Variants in SH3YL1 observed in about 807,000 individuals in gnomAD.
SH3YL1 encodes SH3 and SYLF domain containing 1, also known as SH3 domain-containing YSC84-like protein 1.
In SH3YL1, 41 loss-of-function variants were observed where a neutral mutation model predicts 45.8. The ratio of observed to expected loss-of-function variants is 0.89; its 90% CI spans 0.70 to 1.16. SH3YL1 has a LOEUF of 1.16. Among genes scored for constraint, SH3YL1 ranks in the 50% most tolerant of loss-of-function variants. The probability of loss-of-function intolerance (pLI) is 0.00; values close to 1 mark genes in which losing one functional copy is unlikely to be tolerated. For synonymous variants in SH3YL1, 152 were observed against 151.4 expected (o/e 1.00, Z -0.03); for missense variants, 389 against 409.6 (o/e 0.95, Z 0.43).
upstream of SH3YL1, chr2:264,188 G>A (rs1669739242): frequency 1.4e-5 from 9 of 655,028 alleles, no homozygotes; most frequent in Non-Finnish European, 2.1e-5. Flanking sequence ...CGCCCTCAGG[G>A]ACTTCGGAAC....
chr2:238,259 T>G (rs913466469), intron 4 of SH3YL1, among the ~76,000 whole-genome samples: 5 of 141,860 alleles, frequency 3.5e-5, no homozygotes, highest in African/African-American at 8.0e-5. Context: ...TCCTCCCTCC[T>G]TGTGTGTGTG....
chr2:227,554 A>T (rs1252705347), intron 8 of SH3YL1, among the ~76,000 whole-genome samples: 1 of 152,194 alleles, frequency 6.6e-6, no homozygotes, highest in Non-Finnish European at 1.5e-5. Context: ...GAGCAAAACA[A>T]ACCAACAAAT....
At chr2:238,244 C>T (rs988998524) in intron 4 of SH3YL1, among the ~76,000 whole-genome samples, 2 of 149,080 alleles carry the variant, frequency 1.3e-5, no homozygotes, top group East Asian at 2.0e-4. Flanking sequence ...GGGGAATAAA[C>T]CTTTTCCTCC....
intron 4 of SH3YL1, chr2:240,709 C>G: frequency 6.6e-6 from 1 of 152,220 alleles, no homozygotes; most frequent in East Asian, 1.9e-4. Context: ...TTAGTGGAGG[C>G]TAACAACAGT....
At chr2:229,657 A>C (rs887912659) in intron 8 of SH3YL1, among the ~76,000 whole-genome samples, 4 of 136,228 alleles carry the variant, frequency 2.9e-5, no homozygotes, top group Non-Finnish European at 6.1e-5. Flanking sequence ...TGAACCCGGG[A>C]GGCGGAGCTT....
In SH3YL1 at chr2:264,014, C is replaced by G. The variant is rs139233215; in HGVS notation, c.-30G>C. ...CCCGCCCGGCCGCGGCGCCCCGTCC[C>G]GAGGCTGCCCAGGAAGAGGAAGGCG... is the stretch of plus-strand genomic sequence containing the variant. On this transcript the variant is annotated 5_prime_UTR_variant, in exon 1 of 10. Transcript: ENST00000356150. The G allele has an allele frequency of 2.6e-4, 373 of 1,434,906 alleles. 1 individual carries two copies. In the Middle Eastern group the frequency reaches 6.3e-3, roughly 24 times the overall value. The allele number at this position is 1,434,906 out of a possible 1,614,324, so 88.9% of individuals were successfully genotyped here.
chr2:263,892 C>T, intron 1 of SH3YL1, 92 bp downstream of exon 1: 1 of 1,079,666 alleles, frequency 9.3e-7, no homozygotes. Context: ...ACCCCAGAGG[C>T]ATCGCCGGTT....
chr2:233,222 C>A lies in SH3YL1; in HGVS notation c.412G>T (p.Glu138Ter). Residue 138 changes from glutamate (E) to a stop codon, truncating the protein, a stop_gained, in exon 6 of 10, where the codon GAA (glutamate) becomes TAA (stop). Transcript: ENST00000356150. LOFTEE classifies it high-confidence loss of function. ...GAGCTTCTCAGGGCCACGTTTCCTT[C>A]CAAGTTCCTGCAAAGCACAAGATTT... ...VAVGPLGRNL[E>*]GNVALRSSAA... 6.4e-7 allele frequency: 1 copy of A among 1,569,104 alleles called. No individual in the cohort carries two copies. Among genetic ancestry groups the A allele is most frequent in the South Asian group, 1.2e-5 (1 of 84,056 alleles).
chr2:246,354 A>G (rs1385622405), intron 4 of SH3YL1, among the ~76,000 whole-genome samples: 2 of 152,202 alleles, frequency 1.3e-5, no homozygotes, highest in African/African-American at 4.8e-5. Context: ...CAAAATTTTC[A>G]AAGAATTACC....
chr2:253,201 A>G (rs533590091), intron 1 of SH3YL1, 86 bp from the exon 2 acceptor site: 1 of 814,426 alleles, frequency 1.2e-6, no homozygotes, highest in East Asian at 2.7e-5. Context: ...TCTCATATAC[A>G]ATTGTCAGAG....
rs774481551 is a variant in SH3YL1, at chr2:231,151, C to T, written c.574G>A (p.Gly192Arg). ...QDIRAYDILF[G>R]DTPRPAQAED... The stretch of plus-strand genomic sequence containing the variant: ...GCTTGAGCAGGCCGCGGTGTATCTC[C>T]AAATAAAATGTCATAAGCTCGGATA... The change falls in exon 7 of 10, where the codon GGA (glycine) becomes AGA (arginine). Residue 192 changes from glycine to arginine, a missense_variant. Gly to Arg is a moderately radical substitution (Grantham distance 125). Coordinates refer to ENST00000356150, the MANE Select transcript of SH3YL1 (RefSeq NM_015677.4). The T allele has an allele frequency of 5.6e-6, 9 of 1,613,610 alleles. No individual in the cohort carries two copies. The South Asian group carries it at 7.7e-5, about 14-fold the overall frequency.
chr2:257,778 T>A (rs1029681563), intron 1 of SH3YL1, among the ~76,000 whole-genome samples: 1 of 152,226 alleles, frequency 6.6e-6, no homozygotes, highest in Non-Finnish European at 1.5e-5. Context: ...TAATTTGGCT[T>A]AAGTTTTTAA....
chr2:237,471 G>T (rs143227365), intron 4 of SH3YL1, among the ~76,000 whole-genome samples: 298 of 152,094 alleles, frequency 2.0e-3, no homozygotes, highest in African/African-American at 7.0e-3. Context: ...CAGATTTCCT[G>T]CAGGAATCTG....
rs536439268 is a variant in SH3YL1, at chr2:262,466, C to T, written c.1+1518G>A. The T allele has an allele frequency of 1.7e-4, 103 of 607,628 alleles. No homozygotes were observed. The African/African-American group carries it at 1.8e-3, about 11-fold the overall frequency. The allele number at this position is 607,628 out of a possible 1,614,324, so 37.6% of individuals were successfully genotyped here. A position where few individuals can be genotyped will look rare whatever the true frequency, so the allele number is the denominator to read the frequency against. On this transcript the variant is annotated intron_variant, in intron 1 of 9. Coordinates refer to ENST00000356150, the MANE Select transcript of SH3YL1 (RefSeq NM_015677.4). ...TTTATTTATTCCTGCCCTTCCTCTT[C>T]TCCAACTGAAGAGTGTGATCTTGGT...
chr2:227,343 G>C (rs907807391), intron 8 of SH3YL1, among the ~76,000 whole-genome samples: 2 of 152,090 alleles, frequency 1.3e-5, no homozygotes, highest in Admixed American at 1.3e-4. Flanking sequence ...AAAAGTGCCA[G>C]TATATATAAA....
intron 4 of SH3YL1, among the ~76,000 whole-genome samples, chr2:238,755 T>C (rs1386385386): frequency 6.6e-6 from 1 of 152,216 alleles, no homozygotes; most frequent in Non-Finnish European, 1.5e-5. Flanking sequence ...CTCAGACCAC[T>C]GACTTTCACG....
intron 3 of SH3YL1, 99 bp downstream of exon 3, chr2:249,632 G>A: frequency 1.2e-6 from 1 of 857,644 alleles, no homozygotes; most frequent in Non-Finnish European, 1.8e-6. Context: ...TAGTTGATAT[G>A]CAGGAAACCT....
intron 4 of SH3YL1, among the ~76,000 whole-genome samples, chr2:244,188 T>A (rs183150341): frequency 6.9e-6 from 1 of 144,746 alleles, no homozygotes; most frequent in South Asian, 2.2e-4. Context: ...TAATAGCATG[T>A]GTACAAGTTT....
intron 3 of SH3YL1, among the ~76,000 whole-genome samples, chr2:249,376 A>C (rs1206771214): frequency 6.6e-6 from 1 of 152,250 alleles, no homozygotes; most frequent in African/African-American, 2.4e-5. Context: ...AAAACAAAAG[A>C]AAGCAGCTAC....
Sources: allele counts gnomAD v4.1 joint callset (sites outside exome capture counted in the v4.1 genomes callset), GRCh38; gene constraint gnomAD v4.1.1; transcripts MANE v1.5; gene names NCBI Gene and HGNC (gene_info 2026-07-23, HGNC 2026-07-21).